The following PDE4B variants were observed in gnomAD, a reference collection of about 807,000 sequenced individuals.
The protein encoded by PDE4B is phosphodiesterase 4B.
In PDE4B, 20 loss-of-function variants were observed where a neutral mutation model predicts 82.2. That is an observed-to-expected ratio of 0.24 (90% CI 0.17 to 0.35). The LOEUF (loss-of-function observed/expected upper bound fraction) is 0.35. Among genes scored for constraint, PDE4B ranks in the 10% least tolerant of loss-of-function variants. The probability of loss-of-function intolerance (pLI) is 1.00; values close to 1 mark genes in which losing one functional copy is unlikely to be tolerated. For synonymous variants in PDE4B, 320 were observed against 318.9 expected (o/e 1.00, Z -0.04); for missense variants, 655 against 907.2 (o/e 0.72, Z 3.57).
chr1:65,855,531 A>C (rs1646382449), intron 1 of PDE4B, among the ~76,000 whole-genome samples: 1 of 152,142 alleles, frequency 6.6e-6, no homozygotes, highest in African/African-American at 2.4e-5. Flanking sequence ...CTGCTCCATC[A>C]GAACTCAAAT....
chr1:66,227,009 C>T (rs1651507253), intron 3 of PDE4B, among the ~76,000 whole-genome samples: 2 of 152,006 alleles, frequency 1.3e-5, no homozygotes, highest in East Asian at 1.9e-4. Context: ...AAATGCATCT[C>T]GTGAAGGAAA....
intron 3 of PDE4B, among the ~76,000 whole-genome samples, chr1:66,122,638 T>G (rs1645733816): frequency 6.6e-6 from 1 of 151,864 alleles, no homozygotes; most frequent in Admixed American, 6.6e-5. Flanking sequence ...GAACATGACA[T>G]ATTTTATGTA....
At chr1:65,898,882 A>G (rs912063596) in intron 1 of PDE4B, among the ~76,000 whole-genome samples, 9 of 152,310 alleles carry the variant, frequency 5.9e-5, no homozygotes, top group African/African-American at 1.9e-4. Flanking sequence ...AACATTGTAA[A>G]AACCCTTCTA....
At chr1:66,328,356 T>C (rs1659878698) in intron 7 of PDE4B, among the ~76,000 whole-genome samples, 1 of 152,206 alleles carries the variant, frequency 6.6e-6, no homozygotes, top group Admixed American at 6.5e-5. Context: ...TCCCATGACC[T>C]ACTCTTACTG....
chr1:65,934,212 G>A (rs4255357), intron 3 of PDE4B, among the ~76,000 whole-genome samples: 62,013 of 152,038 alleles, frequency 0.41, 14,667 homozygotes, highest in Non-Finnish European at 0.54. Flanking sequence ...GACATAGGAG[G>A]TCAAGGTAGG....
At chr1:65,815,521 T>C (rs2101216201) in intron 1 of PDE4B, among the ~76,000 whole-genome samples, 2 of 152,216 alleles carry the variant, frequency 1.3e-5, no homozygotes, top group East Asian at 3.9e-4. Flanking sequence ...AAAAGGACCT[T>C]AGTGGAAAAA....
Position 65,913,254 on chromosome 1 carries a change from A to C in PDE4B, c.-61A>C. On this transcript the variant is annotated 5_prime_UTR_variant, in exon 2 of 17. Transcript: ENST00000341517. ...TTTTTTTCTCCTGTAGGTATTAAAA[A>C]GTGTCAGCAAACTGCATTGAATAAC... is the stretch of plus-strand genomic sequence containing the variant. 1 of 1,472,034 alleles carries C rather than the reference A, an allele frequency of 6.8e-7. No homozygotes were observed. The highest frequency in any genetic ancestry group is 1.1e-5 in the South Asian group (1 of 87,802). 91.2% of individuals were successfully genotyped at this position (1,472,034 alleles called of 1,614,324 possible).
Position 66,257,917 on chromosome 1 carries a change from A to G in PDE4B, c.584+54A>G, listed in dbSNP as rs1231357588. 2.7e-6 allele frequency: 3 copies of G among 1,126,014 alleles called. No individual in the cohort carries two copies. The African/African-American group carries it at 4.6e-5, about 17-fold the overall frequency. The allele number at this position is 1,126,014 out of a possible 1,614,324, so 69.8% of individuals were successfully genotyped here. On this transcript the variant is annotated intron_variant, in intron 6 of 16. Coordinates refer to ENST00000341517, the MANE Select transcript of PDE4B (RefSeq NM_002600.4). ...AATCCCTAACATAAAGGCAAAAAAT[A>G]TTGAGCAGCATTTAAAAAAATACAA...
intron 3 of PDE4B, among the ~76,000 whole-genome samples, chr1:66,199,309 G>A (rs1252892556): frequency 6.6e-6 from 1 of 151,894 alleles, no homozygotes; most frequent in Non-Finnish European, 1.5e-5. Context: ...CATTCTAACT[G>A]GTGTGAGATG....
At chr1:66,022,267 G>C (rs1013286875) in intron 3 of PDE4B, among the ~76,000 whole-genome samples, 1 of 152,186 alleles carries the variant, frequency 6.6e-6, no homozygotes, top group African/African-American at 2.4e-5. Flanking sequence ...GGGACAATTT[G>C]ACTTCCTCTT....
chr1:66,088,653 A>G (rs763562378), intron 3 of PDE4B, among the ~76,000 whole-genome samples: 10 of 152,010 alleles, frequency 6.6e-5, no homozygotes, highest in Non-Finnish European at 1.3e-4. Context: ...TCTTTTTTCA[A>G]TGTCAATACT....
intron 3 of PDE4B, among the ~76,000 whole-genome samples, chr1:66,139,754 A>G (rs1402310306): frequency 3.7e-5 from 3 of 80,324 alleles, no homozygotes; most frequent in Admixed American, 1.3e-4. Context: ...AAAAAAAAAC[A>G]AAAAACAACA....
chr1:66,157,951 C>T (rs1012261410), intron 3 of PDE4B, among the ~76,000 whole-genome samples: 1 of 151,934 alleles, frequency 6.6e-6, no homozygotes, highest in African/African-American at 2.4e-5. Context: ...AACATGATTT[C>T]AGATTCTTTT....
chr1:66,045,263 T>A (rs1001087961), intron 3 of PDE4B, among the ~76,000 whole-genome samples: 1 of 151,764 alleles, frequency 6.6e-6, no homozygotes, highest in Non-Finnish European at 1.5e-5. Context: ...ATTTTTCTTT[T>A]CAATTTTTTG....
intron 3 of PDE4B, among the ~76,000 whole-genome samples, chr1:66,072,730 C>T (rs1362978654): frequency 6.6e-6 from 1 of 152,126 alleles, no homozygotes; most frequent in Non-Finnish European, 1.5e-5. Context: ...TAAATACCTG[C>T]TCTGTTCTAG....
chr1:66,098,504 T>C (rs969001083), intron 3 of PDE4B, among the ~76,000 whole-genome samples: 1 of 152,138 alleles, frequency 6.6e-6, no homozygotes, highest in African/African-American at 2.4e-5. Flanking sequence ...TATTTTAACT[T>C]TGAAATAAAA....
At chr1:65,882,888 G>A (rs1460767949) in intron 1 of PDE4B, among the ~76,000 whole-genome samples, 1 of 152,148 alleles carries the variant, frequency 6.6e-6, no homozygotes, top group East Asian at 1.9e-4. Flanking sequence ...AGACCAATAT[G>A]CCTTTAAGAC....
chr1:66,141,933 C>G (rs1646180978), intron 3 of PDE4B, among the ~76,000 whole-genome samples: 1 of 152,224 alleles, frequency 6.6e-6, no homozygotes, highest in South Asian at 2.1e-4. Context: ...TCGAATATTA[C>G]TTTTATTCCC....
intron 3 of PDE4B, among the ~76,000 whole-genome samples, chr1:65,974,186 A>G (rs550308775): frequency 6.6e-6 from 1 of 152,252 alleles, no homozygotes; most frequent in Admixed American, 6.5e-5. Flanking sequence ...CTACTTAGAG[A>G]TTTCCTCCTT....
Sources: allele counts gnomAD v4.1 joint callset (sites outside exome capture counted in the v4.1 genomes callset), GRCh38; gene constraint gnomAD v4.1.1; transcripts MANE v1.5; gene names NCBI Gene and HGNC (gene_info 2026-07-23, HGNC 2026-07-21).